TMEM132D: variants seen among roughly 807,000 people sequenced by gnomAD.
The protein encoded by TMEM132D is mature OL transmembrane protein.
A neutral mutation model predicts 62.3 loss-of-function variants in TMEM132D; 21 were observed. The observed-to-expected ratio is 0.34, with a 90% CI of 0.24 to 0.49. The LOEUF (loss-of-function observed/expected upper bound fraction) is 0.49. Ranked by LOEUF, TMEM132D falls within the 20% of genes least tolerant of loss-of-function variation. The pLI, the probability that TMEM132D is intolerant of heterozygous loss-of-function variation, is 0.99. For missense variants in TMEM132D, 1,346 were observed against 1,402.8 expected, an observed-to-expected ratio of 0.96 and a Z score of 0.65; for synonymous variants, 621 against 575.6, an observed-to-expected ratio of 1.08 and a Z score of -1.13.
At chr12:129,518,608 A>G (rs1206785491) in intron 3 of TMEM132D, among the ~76,000 whole-genome samples, 1 of 151,640 alleles carries the variant, frequency 6.6e-6, no homozygotes, top group East Asian at 1.9e-4. Context: ...CACATATAAC[A>G]TTTTGGTTAT....
chr12:129,540,631 G>GTT (rs1876559469), intron 2 of TMEM132D, among the ~76,000 whole-genome samples: 1 of 151,658 alleles, frequency 6.6e-6, no homozygotes, highest in Non-Finnish European at 1.5e-5. Context: ...GATTACAGGT[G>GTT]TGTGCCACTA....
intron 2 of TMEM132D, among the ~76,000 whole-genome samples, chr12:129,642,139 G>A (rs765374532): frequency 6.6e-6 from 1 of 152,104 alleles, no homozygotes; most frequent in African/African-American, 2.4e-5. Context: ...TAACGGAAGG[G>A]GCCTCTGCTG....
intron 2 of TMEM132D, among the ~76,000 whole-genome samples, chr12:129,640,509 T>G (rs1218007470): frequency 1.3e-5 from 2 of 152,164 alleles, no homozygotes; most frequent in Non-Finnish European, 2.9e-5. Flanking sequence ...CGTGCCACTT[T>G]GGAGCTTCAC....
At chr12:129,841,938 T>G (rs946442054) in intron 1 of TMEM132D, among the ~76,000 whole-genome samples, 6 of 150,590 alleles carry the variant, frequency 4.0e-5, no homozygotes, top group African/African-American at 9.7e-5. Flanking sequence ...TTCGTGTTTT[T>G]TTTTTTTTTT....
Position 129,301,989 on chromosome 12 carries a change from T to C in TMEM132D, c.1299+35645A>G, listed in dbSNP as rs998349330. On this transcript the variant is annotated intron_variant, in intron 4 of 8. Transcript: ENST00000422113. ...TCTTTTCTTTAAAAAAAAAAACGTA[T>C]TGTCTACAGCTTCTATCTAAAGGAC... Among the ~76,000 whole-genome samples, 4 of 152,202 alleles carry C rather than the reference T, an allele frequency of 2.6e-5. No homozygotes were observed. The South Asian group carries it at 6.2e-4, about 24-fold the overall frequency.
At chr12:129,078,435 C>T (rs912085548) in intron 8 of TMEM132D, 99 bp downstream of exon 8, 10 of 1,215,136 alleles carry the variant, frequency 8.2e-6, no homozygotes, top group South Asian at 1.4e-5. Flanking sequence ...ATATATGATC[C>T]CACTCTATTG....
intron 5 of TMEM132D, among the ~76,000 whole-genome samples, chr12:129,122,933 A>G (rs1044658416): frequency 6.6e-6 from 1 of 152,178 alleles, no homozygotes; most frequent in African/African-American, 2.4e-5. Context: ...AGTATTTAAG[A>G]TTGGTCGCCT....
At chr12:129,129,864 A>G (rs9804821) in intron 5 of TMEM132D, among the ~76,000 whole-genome samples, 150,495 of 152,180 alleles carry the variant, frequency 0.99, 74,429 homozygotes, top group Middle Eastern at 1. Context: ...CAGCAGGATC[A>G]GGTCCCTGTT....
At chr12:129,537,158 T>TAAAAA (rs10635477) in intron 2 of TMEM132D, among the ~76,000 whole-genome samples, 25,083 of 114,082 alleles carry the variant, frequency 0.22, 3,607 homozygotes, top group African/African-American at 0.36. Flanking sequence ...AAACTCTGTC[T>TAAAAA]AAAAAAAAAA....
chr12:129,802,693 A>G (rs1593167842), intron 1 of TMEM132D, among the ~76,000 whole-genome samples: 3 of 150,018 alleles, frequency 2.0e-5, no homozygotes, highest in East Asian at 3.9e-4. Context: ...TAACAATATT[A>G]ACTTTAAATG....
intron 1 of TMEM132D, among the ~76,000 whole-genome samples, chr12:129,847,478 A>G (rs1196256030): frequency 1.3e-5 from 2 of 152,034 alleles, no homozygotes; most frequent in African/African-American, 4.8e-5. Context: ...CTTCAATTTT[A>G]GTCTTCCCAG....
intron 2 of TMEM132D, among the ~76,000 whole-genome samples, chr12:129,595,907 T>C (rs1237311686): frequency 6.6e-6 from 1 of 152,226 alleles, no homozygotes; most frequent in Non-Finnish European, 1.5e-5. Flanking sequence ...ACACGTTTTG[T>C]AAACACTTAT....
intron 3 of TMEM132D, among the ~76,000 whole-genome samples, chr12:129,398,581 G>A (rs1169905969): frequency 1.3e-5 from 2 of 152,188 alleles, no homozygotes; most frequent in African/African-American, 4.8e-5. Context: ...GGCAAAGGAG[G>A]AGGGGGTTGG....
At chr12:129,839,284 C>T (rs1223213545) in intron 1 of TMEM132D, among the ~76,000 whole-genome samples, 1 of 151,510 alleles carries the variant, frequency 6.6e-6, no homozygotes. Flanking sequence ...TGTGTGCCAC[C>T]ATGCCTGGCT....
At chr12:129,715,041 T>C (rs1255265407) in intron 1 of TMEM132D, among the ~76,000 whole-genome samples, 1 of 152,226 alleles carries the variant, frequency 6.6e-6, no homozygotes, top group East Asian at 1.9e-4. Flanking sequence ...TAGTAGAGTG[T>C]TACATCTCAT....
chr12:129,481,607 G>T (rs572118175), intron 3 of TMEM132D, among the ~76,000 whole-genome samples: 3 of 152,102 alleles, frequency 2.0e-5, no homozygotes, highest in Non-Finnish European at 4.4e-5. Context: ...TAAAGGAAAT[G>T]GGAATTTAAA....
At chr12:129,660,291 G>C (rs902472779) in intron 2 of TMEM132D, among the ~76,000 whole-genome samples, 2 of 138,474 alleles carry the variant, frequency 1.4e-5, no homozygotes, top group African/African-American at 5.3e-5. Flanking sequence ...GAAGCACACA[G>C]TGGTTCACTG....
chr12:129,890,248 G>A (rs532967301), intron 1 of TMEM132D, among the ~76,000 whole-genome samples: 4 of 152,302 alleles, frequency 2.6e-5, no homozygotes, highest in Non-Finnish European at 2.9e-5. Context: ...GGAACTTGGC[G>A]CAGGGCAGTG....
At chr12:129,524,498 A>T (rs968143885) in intron 3 of TMEM132D, among the ~76,000 whole-genome samples, 6 of 152,218 alleles carry the variant, frequency 3.9e-5, no homozygotes, top group African/African-American at 1.4e-4. Flanking sequence ...AATTTATTAC[A>T]TGAACACAAC....
Sources: allele counts gnomAD v4.1 joint callset (sites outside exome capture counted in the v4.1 genomes callset), GRCh38; gene constraint gnomAD v4.1.1; transcripts MANE v1.5; gene names NCBI Gene and HGNC (gene_info 2026-07-23, HGNC 2026-07-21).